The following PACRG variants were observed in gnomAD, a reference collection of about 807,000 sequenced individuals.
PACRG encodes the protein parkin coregulated.
In PACRG, 29 loss-of-function variants were observed where a neutral mutation model predicts 29.7. That is an observed-to-expected ratio of 0.98 (90% CI 0.73 to 1.33). The LOEUF is 1.33. Among genes scored for constraint, PACRG ranks in the 40% most tolerant of loss-of-function variants. The pLI, the probability that PACRG is intolerant of heterozygous loss-of-function variation, is 0.00. For missense variants in PACRG, 279 were observed against 316.2 expected, an observed-to-expected ratio of 0.88 and a Z score of 0.89; for synonymous variants, 116 against 118.7, an observed-to-expected ratio of 0.98 and a Z score of 0.15.
Position 163,062,333 on chromosome 6 carries a change from G to T in PACRG, c.463+12G>T. ...TATCCCGATAAAAAGTAAGTGAACCGGTGAAAAAGCATCACTCAGTTTATA... is the reference window on the plus strand; with the variant it reads ...TATCCCGATAAAAAGTAAGTGAACCTGTGAAAAAGCATCACTCAGTTTATA... On this transcript the variant is annotated intron_variant, in intron 3 of 4. Coordinates refer to ENST00000366888, the MANE Select transcript of PACRG (RefSeq NM_001080379.2). 6.2e-7 allele frequency: 1 copy of T among 1,603,358 alleles called. No homozygotes were observed. Among genetic ancestry groups the T allele is most frequent in the Non-Finnish European group, 8.5e-7 (1 of 1,175,734 alleles).
At chr6:162,833,706 C>A (rs952952580) in intron 2 of PACRG, among the ~76,000 whole-genome samples, 5 of 151,374 alleles carry the variant, frequency 3.3e-5, no homozygotes, top group African/African-American at 1.2e-4. Flanking sequence ...TTTAATGGGA[C>A]TGCAATTAAA....
chr6:162,762,324 A>G (rs73601955), intron 1 of PACRG, among the ~76,000 whole-genome samples: 7,864 of 152,250 alleles, frequency 0.052, 689 homozygotes, highest in African/African-American at 0.18. Flanking sequence ...GAAAAAAGCC[A>G]AAGAGTTATG....
At chr6:163,080,089 G>A (rs1422436259) in intron 3 of PACRG, among the ~76,000 whole-genome samples, 3 of 151,452 alleles carry the variant, frequency 2.0e-5, no homozygotes, top group Non-Finnish European at 2.9e-5. Context: ...TAGTAGAGAC[G>A]GGGTTTCACC....
At chr6:163,177,531 G>A (rs1230054313) in intron 4 of PACRG, among the ~76,000 whole-genome samples, 1 of 151,954 alleles carries the variant, frequency 6.6e-6, no homozygotes, top group Non-Finnish European at 1.5e-5. Context: ...CGTGAAGAAA[G>A]GCTCCAGGCT....
chr6:163,118,169 A>G (rs57614805), intron 4 of PACRG, among the ~76,000 whole-genome samples: 4,339 of 152,354 alleles, frequency 0.028, 225 homozygotes, highest in African/African-American at 0.099. Context: ...TATACACTGC[A>G]CAAGGAAGAG....
chr6:163,236,653 G>A (rs1226862854), intron 4 of PACRG, among the ~76,000 whole-genome samples: 1 of 152,236 alleles, frequency 6.6e-6, no homozygotes, highest in African/African-American at 2.4e-5. Context: ...AAGATGGCAA[G>A]AAGAGGTGGA....
At chr6:162,846,911 C>T (rs1268324131) in intron 2 of PACRG, among the ~76,000 whole-genome samples, 1 of 143,750 alleles carries the variant, frequency 7.0e-6, no homozygotes, top group Non-Finnish European at 1.6e-5. Flanking sequence ...CCACACTGTC[C>T]ACTGTGCTCC....
intron 4 of PACRG, among the ~76,000 whole-genome samples, chr6:163,135,883 G>T (rs180714691): frequency 3.1e-3 from 465 of 152,296 alleles, no homozygotes; most frequent in Middle Eastern, 0.01. Flanking sequence ...CCAATGACTA[G>T]TGAAGTTGAG....
At chr6:163,139,225 C>T (rs766517132) in intron 4 of PACRG, among the ~76,000 whole-genome samples, 2 of 152,248 alleles carry the variant, frequency 1.3e-5, no homozygotes, top group Non-Finnish European at 2.9e-5. Flanking sequence ...GTCCCTGCCT[C>T]GTCTTCACAT....
At chr6:162,872,687 A>G (rs1792927990) in intron 2 of PACRG, among the ~76,000 whole-genome samples, 1 of 152,162 alleles carries the variant, frequency 6.6e-6, no homozygotes, top group Non-Finnish European at 1.5e-5. Context: ...TAATTGGATT[A>G]TTTTTGTAAA....
In PACRG at chr6:163,315,050, T is replaced by C; in HGVS notation, c.*63T>C. The C allele has an allele frequency of 6.5e-7, 1 of 1,537,386 alleles. No homozygotes were observed. The highest frequency in any genetic ancestry group is 2.3e-5 in the East Asian group (1 of 44,354). On this transcript the variant is annotated 3_prime_UTR_variant, in exon 5 of 5. Coordinates refer to ENST00000366888, the MANE Select transcript of PACRG (RefSeq NM_001080379.2). ...GTTGGGATCATCTGTCTCTGTTGCT[T>C]TTAGCATCTCATTCCTTGTGACTTC...
chr6:162,986,626 G>A (rs1221430698), intron 2 of PACRG, among the ~76,000 whole-genome samples: 5 of 152,090 alleles, frequency 3.3e-5, no homozygotes, highest in Non-Finnish European at 7.4e-5. Flanking sequence ...TAATATTGGA[G>A]AAACCCTTCT....
At chr6:163,024,158 A>G (rs1806896001) in intron 2 of PACRG, among the ~76,000 whole-genome samples, 2 of 152,290 alleles carry the variant, frequency 1.3e-5, no homozygotes, top group Non-Finnish European at 2.9e-5. Context: ...CAGTGTCAAG[A>G]AGAGTATTTC....
intron 2 of PACRG, among the ~76,000 whole-genome samples, chr6:162,963,160 G>A (rs1562784492): frequency 6.6e-6 from 1 of 152,190 alleles, no homozygotes; most frequent in Non-Finnish European, 1.5e-5. Context: ...AACTACCAAA[G>A]ATGCTTGTTT....
In PACRG at chr6:162,812,453, A is replaced by G. The variant is rs530688735; in HGVS notation, c.157-1694A>G. Among the ~76,000 whole-genome samples, 4 of 152,172 alleles carry G rather than the reference A, an allele frequency of 2.6e-5. No homozygotes were observed. In the East Asian group the frequency reaches 7.7e-4, roughly 29 times the overall value. ...ATTTACTATAAATATTTGTTCACAC[A>G]TTTATGCTCATTTAACTTGGTCAAA... On this transcript the variant is annotated intron_variant, in intron 1 of 4. Coordinates refer to ENST00000366888, the MANE Select transcript of PACRG (RefSeq NM_001080379.2).
At chr6:163,122,757 T>C (rs1038491521) in intron 4 of PACRG, among the ~76,000 whole-genome samples, 2 of 152,130 alleles carry the variant, frequency 1.3e-5, no homozygotes, top group Admixed American at 6.5e-5. Context: ...CTAAGACAAA[T>C]TGGTATATGA....
chr6:162,889,202 CTG>C (rs1320043227), intron 2 of PACRG, among the ~76,000 whole-genome samples: 1 of 152,096 alleles, frequency 6.6e-6, no homozygotes, highest in East Asian at 1.9e-4. Flanking sequence ...TCATGAAGAA[CTG>C]TATGTTATTC....
At chr6:163,003,406 G>A (rs144088555) in intron 2 of PACRG, among the ~76,000 whole-genome samples, 2 of 152,216 alleles carry the variant, frequency 1.3e-5, no homozygotes, top group Admixed American at 6.5e-5. Context: ...ACAAATATCT[G>A]TGAGGAAGGG....
At chr6:162,924,282 T>A (rs570052970) in intron 2 of PACRG, among the ~76,000 whole-genome samples, 1 of 152,214 alleles carries the variant, frequency 6.6e-6, no homozygotes, top group Admixed American at 6.5e-5. Context: ...TCTATGAATT[T>A]TTTGGTAGAG....
Sources: gnomAD v4.1 joint callset for allele counts (sites outside exome capture counted in the v4.1 genomes callset) on GRCh38, gnomAD v4.1.1 for gene constraint, MANE v1.5 for transcripts, NCBI Gene and HGNC (gene_info 2026-07-23, HGNC 2026-07-21) for gene names.